The following CTBP1 variants were observed in gnomAD, a reference collection of about 807,000 sequenced individuals.
The protein encoded by CTBP1 is C-terminal binding protein 1, also known as C-terminal-binding protein 1.
A neutral mutation model predicts 42.1 loss-of-function variants in CTBP1; 11 were observed. That is an observed-to-expected ratio of 0.26 (90% CI 0.16 to 0.43). CTBP1 has a LOEUF of 0.43. Ranked by LOEUF, CTBP1 falls within the 20% of genes least tolerant of loss-of-function variation. CTBP1 has a pLI of 1.00. For synonymous variants in CTBP1, 324 were observed against 277.1 expected (o/e 1.17, Z -1.68); for missense variants, 399 against 624.3 (o/e 0.64, Z 3.85).
In CTBP1 at chr4:1,233,428, G is replaced by A. The variant is rs1731165976; in HGVS notation, c.162+4755C>T. Among the ~76,000 whole-genome samples the A allele has an allele frequency of 4.6e-5, 7 of 152,212 alleles. No individual in the cohort carries two copies. Among genetic ancestry groups the A allele is most frequent in the Admixed American group, 4.6e-4 (7 of 15,288 alleles). ...TTGCAGGAGTGCAACTGTCCAGCTG[G>A]CTGCAGGTCCTCGCAGGCCACTGCG... On this transcript the variant is annotated intron_variant, in intron 3 of 9. Transcript: ENST00000382952. This position sits in a 1 kb window ranked among gnomAD's most constrained non-coding sequence, Gnocchi z 4.6.
chr4:1,213,093 T>C, intron 8 of CTBP1, 63 bp from the exon 9 acceptor site: 4 of 1,374,280 alleles, frequency 2.9e-6, no homozygotes, highest in Non-Finnish European at 4.1e-6. Context: ...CGTGGCCCAC[T>C]GGGTTGAAGA....
At chr4:1,230,029 T>C (rs945695254) in intron 3 of CTBP1, among the ~76,000 whole-genome samples, 1 of 152,138 alleles carries the variant, frequency 6.6e-6, no homozygotes, top group Admixed American at 6.5e-5. Flanking sequence ...AACAGGTGTG[T>C]GTAACACTCA....
In CTBP1 at chr4:1,223,047, G is replaced by A. The variant is rs1240084982; in HGVS notation, c.514+2313C>T. Among the ~76,000 whole-genome samples, 8 of 149,176 alleles carry A rather than the reference G, an allele frequency of 5.4e-5. No homozygotes were observed. The East Asian group carries it at 1.0e-3, about 19-fold the overall frequency. ...GCACACATGAGGCGCCTCCTGTCCT[G>A]TGGGCTTGCTCTGGAGACAGCGGAG... On this transcript the variant is annotated intron_variant, in intron 5 of 9. Coordinates refer to ENST00000382952, the MANE Select transcript of CTBP1 (RefSeq NM_001012614.2).
At chr4:1,239,930 G>A (rs1731985399) in intron 2 of CTBP1, among the ~76,000 whole-genome samples, 4 of 152,230 alleles carry the variant, frequency 2.6e-5, no homozygotes. Context: ...CACTGTACAT[G>A]GCCTCCCTCT....
intron 5 of CTBP1, among the ~76,000 whole-genome samples, chr4:1,222,756 C>G (rs1033033018): frequency 1.3e-5 from 2 of 150,090 alleles, no homozygotes; most frequent in Admixed American, 6.6e-5. Flanking sequence ...CCACAATCAG[C>G]CTGGGAAGGC....
At chr4:1,232,263 C>A (rs1731040504) in intron 3 of CTBP1, among the ~76,000 whole-genome samples, 1 of 152,164 alleles carries the variant, frequency 6.6e-6, no homozygotes, top group Non-Finnish European at 1.5e-5. Context: ...AATACCCAAC[C>A]CCTACCTCTC....
chr4:1,232,334 C>A (rs1731046109), intron 3 of CTBP1, among the ~76,000 whole-genome samples: 1 of 152,160 alleles, frequency 6.6e-6, no homozygotes, highest in Non-Finnish European at 1.5e-5. Flanking sequence ...CTTTTTGAGA[C>A]AGAGTCTTGC....
In CTBP1 at chr4:1,228,361, A is replaced by G. The variant is rs536030416; in HGVS notation, c.163-18T>C. On this transcript the variant is annotated intron_variant, in intron 3 of 9. Transcript: ENST00000382952. The stretch of plus-strand genomic sequence containing the variant: ...TTCAGGACCTGCAGCGAGAAAGCAC[A>G]CAGGCTCAGCCCGGAACCTGAAGAC... 1.2e-6 allele frequency: 2 copies of G among 1,610,758 alleles called. No individual in the cohort carries two copies. Among genetic ancestry groups the G allele is most frequent in the African/African-American group, 2.7e-5 (2 of 74,970 alleles).
chr4:1,220,285 T>C (rs1318075893), intron 5 of CTBP1, among the ~76,000 whole-genome samples: 1 of 143,758 alleles, frequency 7.0e-6, no homozygotes, highest in Non-Finnish European at 1.5e-5. Flanking sequence ...AGCAAGACTG[T>C]CTCCAAAAAA....
chr4:1,224,834 G>T (rs1345643821), intron 5 of CTBP1, among the ~76,000 whole-genome samples: 1 of 151,480 alleles, frequency 6.6e-6, no homozygotes, highest in Non-Finnish European at 1.5e-5. Context: ...TGTATACTGT[G>T]ATGTCTGTGA....
At chr4:1,223,860 C>A in intron 5 of CTBP1, among the ~76,000 whole-genome samples, 1 of 152,236 alleles carries the variant, frequency 6.6e-6, no homozygotes, top group East Asian at 1.9e-4. Context: ...CCGCTCTGAG[C>A]TCAACCTGGG....
At chr4:1,229,619 C>T (rs1252510999) in intron 3 of CTBP1, among the ~76,000 whole-genome samples, 1 of 152,228 alleles carries the variant, frequency 6.6e-6, no homozygotes, top group African/African-American at 2.4e-5. Flanking sequence ...GGCGGCAGTG[C>T]CTGGGTTGCT....
chr4:1,239,843 G>A (rs185264915), intron 2 of CTBP1, among the ~76,000 whole-genome samples: 129 of 152,328 alleles, frequency 8.5e-4, no homozygotes, highest in African/African-American at 2.9e-3. Context: ...GGTCAAAACC[G>A]CGTCCTGGTT....
chr4:1,239,618 G>A (rs1303066557), intron 2 of CTBP1, among the ~76,000 whole-genome samples: 1 of 152,208 alleles, frequency 6.6e-6, no homozygotes, highest in African/African-American at 2.4e-5. Context: ...TGCTCTGGTG[G>A]ACAGCCCAGG....
chr4:1,243,417 C>T (rs1197289836), intron 1 of CTBP1: 1 of 985,270 alleles, frequency 1.0e-6, no homozygotes, highest in Non-Finnish European at 1.2e-6. Flanking sequence ...GCACCCCATG[C>T]CACAGGGACT....
At chr4:1,223,456 C>T (rs768550807) in intron 5 of CTBP1, 51 of 456,052 alleles carry the variant, frequency 1.1e-4, no homozygotes, top group Non-Finnish European at 2.2e-4. Context: ...CCACCCGAAA[C>T]GTCCGATTCC....
intron 1 of CTBP1, among the ~76,000 whole-genome samples, chr4:1,247,474 G>A (rs964137531): frequency 1.3e-5 from 2 of 152,148 alleles, no homozygotes; most frequent in Non-Finnish European, 2.9e-5. Flanking sequence ...GGGAGACCTG[G>A]GAGGCCGGGT....
intron 5 of CTBP1, chr4:1,221,751 C>T (rs1461390005): frequency 9.9e-6 from 4 of 404,148 alleles, no homozygotes; most frequent in Non-Finnish European, 2.0e-5. Context: ...GAAGGGGGCC[C>T]GAGGGAGCTG....
At chr4:1,223,776 T>C (rs900357071) in intron 5 of CTBP1, among the ~76,000 whole-genome samples, 11 of 152,128 alleles carry the variant, frequency 7.2e-5, no homozygotes, top group African/African-American at 1.9e-4. Flanking sequence ...AGCTCTACTT[T>C]CCCTTAAGAC....
Sources: allele counts gnomAD v4.1 joint callset (sites outside exome capture counted in the v4.1 genomes callset), GRCh38; gene constraint gnomAD v4.1.1; non-coding constraint Gnocchi (gnomAD v3.1); transcripts MANE v1.5; gene names NCBI Gene and HGNC (gene_info 2026-07-23, HGNC 2026-07-21).